The following ALMS1 variants were observed in gnomAD, a reference collection of about 807,000 sequenced individuals.
ALMS1 encodes centrosome-associated protein ALMS1.
ALMS1 carries 271 observed loss-of-function variants against 352.2 expected under a neutral mutation model. That is an observed-to-expected ratio of 0.77 (90% confidence interval 0.70 to 0.85). ALMS1 has a LOEUF of 0.85. ALMS1 is among the 40% of genes least tolerant of loss of function. The pLI is 0.00. For synonymous variants in ALMS1, 1,865 were observed against 1,761.2 expected, an observed-to-expected ratio of 1.06 and a Z score of -1.48; for missense variants, 5,445 against 4,870.7, an observed-to-expected ratio of 1.12 and a Z score of -3.51.
At chr2:73,447,885 G>C (rs1470456634) in intron 7 of ALMS1, 75 bp from the exon 8 acceptor site, 6 of 1,434,104 alleles carry the variant, frequency 4.2e-6, no homozygotes, top group Non-Finnish European at 5.5e-6. Context: ...AAGGCTCAAA[G>C]CTGGCTTTTT....
At chr2:73,582,700 T>C (rs189729105) in intron 16 of ALMS1, among the ~76,000 whole-genome samples, 33 of 152,380 alleles carry the variant, frequency 2.2e-4, no homozygotes, top group East Asian at 1.3e-3. Flanking sequence ...TAGCATGTTA[T>C]AGGATTTCCT....
At chr2:73,402,367 G>A (rs754725085) in intron 1 of ALMS1, among the ~76,000 whole-genome samples, 1 of 145,660 alleles carries the variant, frequency 6.9e-6, no homozygotes, top group East Asian at 2.1e-4. Flanking sequence ...TCCGCCTCCC[G>A]AGTTCAAGCG....
chr2:73,521,647 G>A (rs1420273385), intron 11 of ALMS1, among the ~76,000 whole-genome samples: 2 of 151,114 alleles, frequency 1.3e-5, no homozygotes, highest in Admixed American at 6.6e-5. Context: ...CTACTTGGGA[G>A]GCTGAGGCAG....
rs776537010 is a variant in ALMS1, at chr2:73,448,319, G to A, written c.1792G>A (p.Ala598Thr). 3.1e-6 allele frequency: 5 copies of A among 1,613,886 alleles called. No homozygotes were observed. The highest frequency in any genetic ancestry group is 4.2e-6 in the Non-Finnish European group (5 of 1,179,894). Residue 598 changes from alanine (A) to threonine (T), a missense_variant, in exon 8 of 23, where the codon GCT becomes ACT. Transcript: ENST00000613296. ...GLPDSHLTEE[A>T]LKVSAAPGLA... The stretch of plus-strand genomic sequence containing the variant: ...GCCAGACAGTCATCTAACTGAAGAG[G>A]CTTTGAAAGTTTCAGCTGCTCCTGG...
At chr2:73,561,608 G>T (rs546196565) in intron 15 of ALMS1, among the ~76,000 whole-genome samples, 1 of 150,300 alleles carries the variant, frequency 6.7e-6, no homozygotes, top group Non-Finnish European at 1.5e-5. Flanking sequence ...TTTAGTAGGT[G>T]TAGGGTTTCA....
intron 2 of ALMS1, among the ~76,000 whole-genome samples, chr2:73,410,239 A>G (rs767716081): frequency 6.6e-6 from 1 of 152,148 alleles, no homozygotes; most frequent in Non-Finnish European, 1.5e-5. Flanking sequence ...AAATACAAAA[A>G]TTAGCCAGGC....
intron 12 of ALMS1, among the ~76,000 whole-genome samples, chr2:73,543,432 A>T (rs1259981881): frequency 1.3e-5 from 2 of 152,196 alleles, no homozygotes; most frequent in African/African-American, 2.4e-5. Context: ...AACCTAGGCA[A>T]TACCATTCAG....
At chr2:73,414,659 C>T (rs947268693) in intron 2 of ALMS1, among the ~76,000 whole-genome samples, 2 of 151,740 alleles carry the variant, frequency 1.3e-5, no homozygotes, top group African/African-American at 4.8e-5. Context: ...TAGCATTTGA[C>T]ACTATTATTA....
intron 21 of ALMS1, chr2:73,603,831 G>A (rs1318686878): frequency 1.3e-5 from 2 of 154,896 alleles, no homozygotes; most frequent in African/African-American, 4.8e-5. Context: ...CTGTACTCCA[G>A]TCTGGGCGAC....
intron 10 of ALMS1, among the ~76,000 whole-genome samples, chr2:73,513,895 T>TA: frequency 6.6e-6 from 1 of 152,156 alleles, no homozygotes; most frequent in Non-Finnish European, 1.5e-5. Context: ...GAGATTCTGA[T>TA]ACCTTGCTCT....
chr2:73,444,922 A>G (rs1443021070), intron 7 of ALMS1, among the ~76,000 whole-genome samples: 1 of 152,140 alleles, frequency 6.6e-6, no homozygotes, highest in African/African-American at 2.4e-5. Flanking sequence ...TCAATAATTA[A>G]TAATTAGGAA....
intron 1 of ALMS1, among the ~76,000 whole-genome samples, chr2:73,404,899 C>CTTTTTTTTTTTTTTTTTTTTTTT (rs58122480): frequency 1.6e-5 from 1 of 60,788 alleles, no homozygotes; most frequent in African/African-American, 1.1e-4. Context: ...TGTCCTGGAC[C>CTTTTTTTTTTTTTTTTTTTTTTT]TTTTTTTTTT....
intron 11 of ALMS1, among the ~76,000 whole-genome samples, chr2:73,530,637 G>A (rs903704306): frequency 6.6e-6 from 1 of 152,188 alleles, no homozygotes; most frequent in African/African-American, 2.4e-5. Context: ...GCCCAAGTAG[G>A]GACTATTAGT....
intron 10 of ALMS1, among the ~76,000 whole-genome samples, chr2:73,516,376 A>G (rs1572988842): frequency 6.6e-6 from 1 of 152,332 alleles, no homozygotes; most frequent in Non-Finnish European, 1.5e-5. Context: ...GCCACTGGGG[A>G]AAACTGTGGA....
At chr2:73,492,748 A>C (rs13421462) in intron 10 of ALMS1, among the ~76,000 whole-genome samples, 44,803 of 151,968 alleles carry the variant, frequency 0.29, 7,878 homozygotes, top group African/African-American at 0.5. Flanking sequence ...GATACCTTTA[A>C]AATTTTTTTC....
chr2:73,452,094 A>G lies in ALMS1; in HGVS notation c.5567A>G (p.His1856Arg). The G allele has an allele frequency of 6.2e-7, 1 of 1,614,010 alleles. No homozygotes were observed. Among genetic ancestry groups the G allele is most frequent in the Non-Finnish European group, 8.5e-7 (1 of 1,179,982 alleles). The change falls in exon 8 of 23, where the codon CAC becomes CGC. Residue 1856 changes from histidine (H) to arginine (R), a missense_variant. His to Arg is a conservative substitution (Grantham distance 29). Coordinates refer to ENST00000613296, the MANE Select transcript of ALMS1 (RefSeq NM_001378454.1). ...TCTAATTCCTACCCACAGAGAGAGC[A>G]CTCTGTCATTTCTTATGAGCAGGAG... Reference protein sequence around the residue: ...LPSNSYPQREHSVISYEQELP... With the variant: ...LPSNSYPQRERSVISYEQELP...
rs766771102 is a variant in ALMS1 at position 73,572,909 on chromosome 2, C to T, written c.11032C>T (p.Arg3678Trp). 2.4e-5 allele frequency: 38 copies of T among 1,613,756 alleles called. No homozygotes were observed. The highest frequency in any genetic ancestry group is 8.3e-5 in the Admixed American group (5 of 59,946). The change falls in exon 16 of 23, where the codon CGG becomes TGG. Residue 3678 changes from arginine (R) to tryptophan (W), a missense_variant. Coordinates refer to ENST00000613296, the MANE Select transcript of ALMS1 (RefSeq NM_001378454.1). ...GAGAAATAAGCTTCAGAAAAAGAAG[C>T]GGTTTAAAAGCCTAGAGAAAAGCCA... ...QQRNKLQKKK[R>W]FKSLEKSHKN...
At chr2:73,482,170 A>G (rs534060581) in intron 9 of ALMS1, among the ~76,000 whole-genome samples, 10 of 152,294 alleles carry the variant, frequency 6.6e-5, no homozygotes, top group African/African-American at 2.2e-4. Context: ...TTCAAAGGGA[A>G]TGCTTCCAGT....
At chr2:73,508,129 T>TC (rs1321750149) in intron 10 of ALMS1, among the ~76,000 whole-genome samples, 11 of 149,344 alleles carry the variant, frequency 7.4e-5, no homozygotes, top group Non-Finnish European at 1.2e-4. Flanking sequence ...TCTTTTCCTT[T>TC]CCTTTCCCTT....
Sources: gnomAD v4.1 joint callset for allele counts (sites outside exome capture counted in the v4.1 genomes callset) on GRCh38, gnomAD v4.1.1 for gene constraint, MANE v1.5 for transcripts, NCBI Gene and HGNC (gene_info 2026-07-23, HGNC 2026-07-21) for gene names.